SLC9A9: variants seen among roughly 807,000 people sequenced by gnomAD.
SLC9A9 encodes the protein sodium/hydrogen exchanger 9.
A neutral mutation model predicts 77.8 loss-of-function variants in SLC9A9; 62 were observed. The ratio of observed to expected loss-of-function variants is 0.80; its 90% CI spans 0.65 to 0.98. The LOEUF is 0.98. Ranked by LOEUF, SLC9A9 falls within the 50% of genes least tolerant of loss-of-function variation. SLC9A9 has a pLI of 0.00. For missense variants in SLC9A9, 775 were observed against 774.9 expected (o/e 1.00, Z 0.00); for synonymous variants, 320 against 283.5 (o/e 1.13, Z -1.29).
chr3:143,608,187 A>G (rs2108694738), intron 6 of SLC9A9, among the ~76,000 whole-genome samples: 1 of 152,354 alleles, frequency 6.6e-6, no homozygotes, highest in South Asian at 2.1e-4. Context: ...CTGGCTACCT[A>G]AAAGTCATCA....
At chr3:143,354,864 C>T (rs925242436) in intron 14 of SLC9A9, among the ~76,000 whole-genome samples, 27 of 152,158 alleles carry the variant, frequency 1.8e-4, no homozygotes, top group African/African-American at 5.6e-4. Context: ...ATGGCTTCAC[C>T]TGAAAGGTGC....
intron 5 of SLC9A9, among the ~76,000 whole-genome samples, chr3:143,670,395 A>G (rs2108764572): frequency 6.6e-6 from 1 of 152,322 alleles, no homozygotes; most frequent in East Asian, 1.9e-4. Context: ...AAGAAAAGTG[A>G]TCATGAGTTT....
At chr3:143,664,073 C>A (rs2039023089) in intron 5 of SLC9A9, among the ~76,000 whole-genome samples, 1 of 151,940 alleles carries the variant, frequency 6.6e-6, no homozygotes, top group African/African-American at 2.4e-5. Context: ...TTAAGGGCAG[C>A]CAGAGAGAAA....
At chr3:143,503,922 T>C (rs1559943484) in intron 9 of SLC9A9, 3 of 370,154 alleles carry the variant, frequency 8.1e-6, no homozygotes, top group Non-Finnish European at 1.6e-5. Context: ...ATGATGACTC[T>C]TTGGCTTCCT....
chr3:143,778,624 T>G (rs757327264), intron 4 of SLC9A9, among the ~76,000 whole-genome samples: 33 of 152,244 alleles, frequency 2.2e-4, no homozygotes, highest in Middle Eastern at 3.4e-3. Flanking sequence ...AAAATATCTT[T>G]ATAAGTAGCT....
chr3:143,513,373 G>C (rs1479523469), intron 9 of SLC9A9, among the ~76,000 whole-genome samples: 1 of 152,166 alleles, frequency 6.6e-6, no homozygotes, highest in Non-Finnish European at 1.5e-5. Flanking sequence ...CAACTCATCT[G>C]TTCAAGTTTT....
chr3:143,303,965 C>T (rs746026267), intron 14 of SLC9A9, among the ~76,000 whole-genome samples: 3 of 152,150 alleles, frequency 2.0e-5, no homozygotes, highest in Non-Finnish European at 4.4e-5. Context: ...GAAAGCAAAA[C>T]CAAAATACTC....
chr3:143,497,819 G>C (rs1254376695), intron 9 of SLC9A9, among the ~76,000 whole-genome samples: 2 of 152,102 alleles, frequency 1.3e-5, no homozygotes, highest in South Asian at 2.1e-4. Context: ...ATAAACAAAA[G>C]GGTGTGGGGT....
At position 143,793,691 on chromosome 3, in the gene SLC9A9, C is replaced by A. The variant is rs145052477; in HGVS notation, c.533+1310G>T. On this transcript the variant is annotated intron_variant, in intron 4 of 15. Coordinates refer to ENST00000316549, the MANE Select transcript of SLC9A9 (RefSeq NM_173653.4). ...TCTGAGTTCTGTTTTGACAACGGCC[C>A]TGATTCTCAGAGATGGTAAGATTGA... 3.6e-3 allele frequency among the ~76,000 whole-genome samples: 552 copies of A among 152,322 alleles called. 3 individuals carry two copies. Among genetic ancestry groups the A allele is most frequent in the African/African-American group, 0.013 (538 of 41,574 alleles).
chr3:143,837,130 G>A (rs1205512455), intron 1 of SLC9A9, among the ~76,000 whole-genome samples: 1 of 152,080 alleles, frequency 6.6e-6, no homozygotes, highest in African/African-American at 2.4e-5. Context: ...AAACACAAAA[G>A]TGTTTTAAAG....
At chr3:143,704,995 A>ATATCTATCTATC (rs61441328) in intron 4 of SLC9A9, among the ~76,000 whole-genome samples, 2,635 of 116,004 alleles carry the variant, frequency 0.023, 30 homozygotes, top group Middle Eastern at 0.029. Context: ...TCCATCTCAA[A>ATATCTATCTATC]TATCTATCTA....
At chr3:143,324,364 C>A (rs556311260) in intron 14 of SLC9A9, among the ~76,000 whole-genome samples, 1 of 152,332 alleles carries the variant, frequency 6.6e-6, no homozygotes, top group Non-Finnish European at 1.5e-5. Context: ...TTGTGTCAGA[C>A]CAATCTGGTT....
intron 1 of SLC9A9, among the ~76,000 whole-genome samples, chr3:143,844,769 CT>C (rs2009795108): frequency 1.4e-5 from 2 of 145,862 alleles, no homozygotes; most frequent in African/African-American, 5.1e-5. Flanking sequence ...TTCTTTCTTT[CT>C]TTCTTTCTTT....
At position 143,688,944 on chromosome 3, in the gene SLC9A9, T is replaced by A. The variant is rs138916859; in HGVS notation, c.649+4248A>T. 8.4e-4 allele frequency among the ~76,000 whole-genome samples: 106 copies of A among 126,826 alleles called. 2 individuals are homozygous for A. In the East Asian group the frequency reaches 0.016, roughly 19 times the overall value. 83.2% of individuals were successfully genotyped at this position (126,826 alleles called of 152,430 possible). A position where few individuals can be genotyped will look rare whatever the true frequency, so the allele number is the denominator to read the frequency against. The stretch of plus-strand genomic sequence containing the variant: ...AAGGGTATCTTATAAATAGAAAAAA[T>A]ATATATATAATTTTTATTATAAATT... On this transcript the variant is annotated intron_variant, in intron 5 of 15. Transcript: ENST00000316549.
chr3:143,569,837 A>T (rs1172840101), intron 8 of SLC9A9, among the ~76,000 whole-genome samples: 2 of 144,992 alleles, frequency 1.4e-5, no homozygotes, highest in Non-Finnish European at 3.0e-5. Flanking sequence ...TTTTGGAGAC[A>T]GGGTATCTCT....
chr3:143,643,919 C>T lies in SLC9A9; in HGVS notation c.755+8336G>A, dbSNP rs563865249. 3.3e-5 allele frequency among the ~76,000 whole-genome samples: 5 copies of T among 150,638 alleles called. No individual in the cohort carries two copies. In the South Asian group the frequency reaches 1.1e-3, roughly 32 times the overall value. On this transcript the variant is annotated intron_variant, in intron 6 of 15. Coordinates refer to ENST00000316549, the MANE Select transcript of SLC9A9 (RefSeq NM_173653.4). ...ATCTTCTGATACAAGCAGAGGCAAA[C>T]AGAGTCTTTGTGACTGATATGCAAA...
chr3:143,267,019 TGC>T, intron 15 of SLC9A9, 90 bp from the exon 16 acceptor site: 1 of 1,190,430 alleles, frequency 8.4e-7, no homozygotes, highest in Non-Finnish European at 1.2e-6. Flanking sequence ...TTAAACAGAA[TGC>T]ATGTTTTCCT....
intron 6 of SLC9A9, among the ~76,000 whole-genome samples, chr3:143,599,191 G>T (rs1191151349): frequency 1.3e-5 from 2 of 152,176 alleles, no homozygotes; most frequent in African/African-American, 4.8e-5. Flanking sequence ...TATATTTCCT[G>T]TCCATAGTCC....
intron 4 of SLC9A9, among the ~76,000 whole-genome samples, chr3:143,704,497 A>G (rs1384707514): frequency 1.3e-5 from 2 of 152,188 alleles, no homozygotes; most frequent in Non-Finnish European, 1.5e-5. Context: ...TGATGACAAA[A>G]ACGCATTTGA....
Sources: gnomAD v4.1 joint callset for allele counts (sites outside exome capture counted in the v4.1 genomes callset) on GRCh38, gnomAD v4.1.1 for gene constraint, MANE v1.5 for transcripts, NCBI Gene and HGNC (gene_info 2026-07-23, HGNC 2026-07-21) for gene names.